Variants in TET2 observed in about 807,000 individuals in gnomAD.
The protein encoded by TET2 is methylcytosine dioxygenase TET2.
A neutral mutation model predicts 142.9 loss-of-function variants in TET2; 299 were observed. That is an observed-to-expected ratio of 2.09 (90% CI 1.90 to 2.30). The LOEUF is 2.30. Ranked by LOEUF, TET2 falls within the 30% of genes most tolerant of loss-of-function variation. TET2 has a pLI of 0.00. For missense variants in TET2, 2,418 were observed against 2,378.0 expected, an observed-to-expected ratio of 1.02 and a Z score of -0.35; for synonymous variants, 819 against 849.0, an observed-to-expected ratio of 0.96 and a Z score of 0.61.
intron 6 of TET2, among the ~76,000 whole-genome samples, chr4:105,245,288 T>G (rs1315955383): frequency 3.9e-5 from 6 of 152,208 alleles, no homozygotes; most frequent in Non-Finnish European, 7.4e-5. Flanking sequence ...TGCTGATTCA[T>G]AACATGTAAC....
At position 105,213,344 on chromosome 4, in the gene TET2, A is replaced by G. The variant is rs556097477; in HGVS notation, c.-46-20553A>G. 2.0e-5 allele frequency among the ~76,000 whole-genome samples: 3 copies of G among 152,326 alleles called. No individual in the cohort carries two copies. The South Asian group carries it at 6.2e-4, about 32-fold the overall frequency. On this transcript the variant is annotated intron_variant, in intron 2 of 10. Transcript: ENST00000380013. The stretch of plus-strand genomic sequence containing the variant: ...GCTTTTCAAATATGCAGAAGAGGAA[A>G]AATTGAGAGGAAGCATACTAAAATT...
chr4:105,272,854 G>A lies in TET2; in HGVS notation c.4473G>A (p.Lys1491=), dbSNP rs1731032858. The change falls in exon 10 of 11, where the codon AAG becomes AAA. Residue 1491 remains lysine (K), a synonymous_variant. Coordinates refer to ENST00000380013, the MANE Select transcript of TET2 (RefSeq NM_001127208.3). ...SLENSSNKNE[K]EKSAPSRTKQ... ...AGAACAGCTCAAATAAAAATGAAAA[G>A]GAAAAGTCAGCCCCATCACGTACAA... The A allele has an allele frequency of 6.4e-7, 1 of 1,551,044 alleles. No individual in the cohort carries two copies. The highest frequency in any genetic ancestry group is 8.7e-7 in the Non-Finnish European group (1 of 1,146,842).
intron 1 of TET2, among the ~76,000 whole-genome samples, chr4:105,152,590 C>T (rs1198305326): frequency 3.1e-5 from 3 of 98,064 alleles, no homozygotes; most frequent in Non-Finnish European, 2.3e-5. Context: ...TTCTTTCTTT[C>T]TTTCTTTCTT....
At chr4:105,243,873 C>T in intron 6 of TET2, 95 bp downstream of exon 6, 1 of 1,162,700 alleles carries the variant, frequency 8.6e-7, no homozygotes, top group Non-Finnish European at 1.2e-6. Flanking sequence ...TGCACTTTTA[C>T]ATTTATAAAA....
chr4:105,174,253 G>A (rs1292355003), intron 1 of TET2, among the ~76,000 whole-genome samples: 1 of 152,068 alleles, frequency 6.6e-6, no homozygotes, highest in Non-Finnish European at 1.5e-5. Flanking sequence ...AAATGTATTT[G>A]TACATTGCAA....
At chr4:105,258,214 A>G (rs1730238004) in intron 6 of TET2, among the ~76,000 whole-genome samples, 2 of 152,190 alleles carry the variant, frequency 1.3e-5, no homozygotes, top group Admixed American at 1.3e-4. Context: ...GAAAAAGCTG[A>G]TTCTGACAAT....
At position 105,251,134 on chromosome 4, in the gene TET2, T is replaced by G. The variant is rs984852632; in HGVS notation, c.3803+7356T>G. 2.6e-5 allele frequency among the ~76,000 whole-genome samples: 4 copies of G among 152,236 alleles called. No individual in the cohort carries two copies. The East Asian group carries it at 7.7e-4, about 29-fold the overall frequency. On this transcript the variant is annotated intron_variant, in intron 6 of 10. Transcript: ENST00000380013. ...ACTAGCTTATTAGCACTAACTTTTT[T>G]TGGTAGATTCCTTAGGATTTGCTGC...
chr4:105,212,518 T>G (rs1277407674), intron 2 of TET2, among the ~76,000 whole-genome samples: 1 of 152,186 alleles, frequency 6.6e-6, no homozygotes, highest in Non-Finnish European at 1.5e-5. Flanking sequence ...TATACATGCC[T>G]TAAACTAGAG....
upstream of TET2, chr4:105,146,164 T>C (rs1482086716): frequency 6.6e-6 from 1 of 152,582 alleles, no homozygotes; most frequent in Non-Finnish European, 1.5e-5. Context: ...CGAGGGCACG[T>C]GCGGGTACAC....
chr4:105,237,000 C>T lies in TET2; in HGVS notation c.3058C>T (p.Gln1020Ter), dbSNP rs375539032. Reference sequence around the variant, plus strand: ...TCCACCTGCAAGCTGTGATAATGTGCAGCAAAAGAGCATCATTGAGACCAT... The same window carrying T: ...TCCACCTGCAAGCTGTGATAATGTGTAGCAAAAGAGCATCATTGAGACCAT... The part of the protein sequence containing the change: ...ENPPASCDNV[Q>*]QKSIIETMEQ... Residue 1020 changes from glutamine to a stop codon, truncating the protein, a stop_gained, in exon 3 of 11, where the codon CAG becomes TAG. Transcript: ENST00000380013. LOFTEE classifies it high-confidence loss of function. 1.2e-6 allele frequency: 2 copies of T among 1,614,022 alleles called. No homozygotes were observed. The highest frequency in any genetic ancestry group is 1.7e-6 in the Non-Finnish European group (2 of 1,180,018).
intron 2 of TET2, among the ~76,000 whole-genome samples, chr4:105,213,140 C>G (rs920594948): frequency 6.6e-6 from 1 of 152,122 alleles, no homozygotes; most frequent in East Asian, 1.9e-4. Context: ...CTTAACTCCT[C>G]AATTCTTTTT....
chr4:105,149,792 G>T (rs1723212504), intron 1 of TET2, among the ~76,000 whole-genome samples: 1 of 152,190 alleles, frequency 6.6e-6, no homozygotes. Context: ...GCCAGTTTAT[G>T]CCAGAAGCCG....
At chr4:105,260,488 TC>T (rs533923227) in intron 7 of TET2, among the ~76,000 whole-genome samples, 242 of 152,076 alleles carry the variant, frequency 1.6e-3, no homozygotes, top group African/African-American at 5.6e-3. Flanking sequence ...CCATTATAGG[TC>T]AGGGACTGTC....
intron 2 of TET2, among the ~76,000 whole-genome samples, chr4:105,232,589 G>A (rs186333390): frequency 6.6e-6 from 1 of 152,284 alleles, no homozygotes; most frequent in Non-Finnish European, 1.5e-5. Context: ...GAGTCATTGG[G>A]CAAATAAGGG....
chr4:105,179,006 C>T (rs114183598), intron 1 of TET2, among the ~76,000 whole-genome samples: 5,989 of 152,048 alleles, frequency 0.039, 164 homozygotes, highest in Non-Finnish European at 0.057. Context: ...GAGAAATGAA[C>T]GCAGAAGCAA....
chr4:105,229,941 T>C (rs956145525), intron 2 of TET2, among the ~76,000 whole-genome samples: 31 of 152,278 alleles, frequency 2.0e-4, no homozygotes, highest in African/African-American at 7.0e-4. Flanking sequence ...CATAAATTAT[T>C]TAACATAACC....
chr4:105,148,606 A>G (rs1723151842), intron 1 of TET2, among the ~76,000 whole-genome samples: 2 of 152,224 alleles, frequency 1.3e-5, no homozygotes, highest in South Asian at 2.1e-4. Context: ...TGCCTGGCTA[A>G]TGAAATCATT....
rs766833355 is a variant in TET2 at position 105,276,524 on chromosome 4, A to G, written c.*5A>G. On this transcript the variant is annotated 3_prime_UTR_variant, in exon 11 of 11. Transcript: ENST00000380013. ...CCTTACAACAGATATATATGATATC[A>G]CCCCCTTTTGTTGGTTACCTCACTT... 1.9e-6 allele frequency: 3 copies of G among 1,544,748 alleles called. No homozygotes were observed. In the South Asian group the frequency reaches 3.6e-5, roughly 18 times the overall value.
Position 105,259,774 on chromosome 4 carries a change from G to A in TET2, c.3954+5G>A, listed in dbSNP as rs575928986. ...CTTGGGGATGACCCAAAAGAGGTTT[G>A]TTTACTTCCTGATGTATAATCGCTT... On this transcript the variant is annotated splice_donor_5th_base_variant and intron_variant, in intron 7 of 10. Transcript: ENST00000380013. 12 of 1,549,150 alleles carry A rather than the reference G, an allele frequency of 7.7e-6. No individual in the cohort carries two copies. The highest frequency in any genetic ancestry group is 1.4e-5 in the African/African-American group (1 of 73,040).
Sources: gnomAD v4.1 joint callset for allele counts (sites outside exome capture counted in the v4.1 genomes callset) on GRCh38, gnomAD v4.1.1 for gene constraint, MANE v1.5 for transcripts, NCBI Gene and HGNC (gene_info 2026-07-23, HGNC 2026-07-21) for gene names.